Variants in INPP4B observed in about 807,000 individuals in gnomAD.
The protein encoded by INPP4B is inositol polyphosphate 4-phosphatase type II.
A neutral mutation model predicts 122.5 loss-of-function variants in INPP4B; 55 were observed. The ratio of observed to expected loss-of-function variants is 0.45; its 90% CI spans 0.36 to 0.56. The LOEUF (loss-of-function observed/expected upper bound fraction) is 0.56, where lower values mean the gene tolerates loss of function less well. Among genes scored for constraint, INPP4B ranks in the 20% least tolerant of loss-of-function variants. The pLI is 0.00. For missense variants in INPP4B, 1,000 were observed against 1,097.7 expected (o/e 0.91, Z 1.26); for synonymous variants, 403 against 388.7 (o/e 1.04, Z -0.43).
chr4:142,056,825 G>A (rs1219999996), intron 25 of INPP4B, among the ~76,000 whole-genome samples: 1 of 152,070 alleles, frequency 6.6e-6, no homozygotes, highest in South Asian at 2.1e-4. Flanking sequence ...TAGCTTAGAG[G>A]TCTACTGTCC....
intron 5 of INPP4B, among the ~76,000 whole-genome samples, chr4:142,421,379 C>T (rs1258239735): frequency 6.6e-6 from 1 of 152,080 alleles, no homozygotes; most frequent in African/African-American, 2.4e-5. Flanking sequence ...AAAAATCCTC[C>T]CTGTCCAGCT....
chr4:142,185,386 G>GTA lies in INPP4B; in HGVS notation c.1181+7699_1181+7700dup, dbSNP rs557023213. ...GATATATATTTATAAATATATATGT[G>GTA]TATGTGTGTGTGTATATATATATAT... is the stretch of plus-strand genomic sequence containing the variant. On this transcript the variant is annotated intron_variant, in intron 15 of 25. Transcript: ENST00000262992. 5.5e-4 allele frequency among the ~76,000 whole-genome samples: 34 copies of GTA among 62,318 alleles called. No individual in the cohort carries two copies. The South Asian group carries it at 0.014, about 26-fold the overall frequency. The allele number at this position is 62,318 out of a possible 152,430, so 40.9% of individuals were successfully genotyped here.
chr4:142,569,104 C>A (rs1021750144), intron 2 of INPP4B, among the ~76,000 whole-genome samples: 1 of 152,076 alleles, frequency 6.6e-6, no homozygotes, highest in African/African-American at 2.4e-5. Context: ...ATATTTGCTA[C>A]ATTGCACACA....
At chr4:142,779,164 G>A (rs1381395209) in intron 1 of INPP4B, among the ~76,000 whole-genome samples, 3 of 151,780 alleles carry the variant, frequency 2.0e-5, no homozygotes, top group Non-Finnish European at 2.9e-5. Context: ...AATCTCCTTG[G>A]CATACTGAGA....
chr4:142,172,204 G>A (rs745830767), intron 16 of INPP4B, among the ~76,000 whole-genome samples: 7 of 151,766 alleles, frequency 4.6e-5, no homozygotes, highest in South Asian at 2.1e-4. Flanking sequence ...TATATTAGAC[G>A]GAGGGCGCTA....
chr4:142,462,922 A>G (rs1817001864), intron 2 of INPP4B, among the ~76,000 whole-genome samples, 196 bp from the exon 3 acceptor site: 2 of 152,244 alleles, frequency 1.3e-5, no homozygotes, highest in Non-Finnish European at 2.9e-5. Flanking sequence ...CATTCAGCCC[A>G]TAGAGCCCCT....
chr4:142,680,875 T>C (rs761667413), intron 2 of INPP4B, among the ~76,000 whole-genome samples: 1 of 151,870 alleles, frequency 6.6e-6, no homozygotes, highest in Non-Finnish European at 1.5e-5. Context: ...GCTATCATAG[T>C]AGATGGGCTT....
chr4:142,071,305 C>A (rs1326442541), intron 25 of INPP4B, among the ~76,000 whole-genome samples: 1 of 152,132 alleles, frequency 6.6e-6, no homozygotes, highest in Non-Finnish European at 1.5e-5. Context: ...GAAACTGGAT[C>A]CCTTCCTTAA....
chr4:142,223,155 G>C (rs1850096785), intron 12 of INPP4B, among the ~76,000 whole-genome samples: 1 of 151,850 alleles, frequency 6.6e-6, no homozygotes, highest in Admixed American at 6.6e-5. Context: ...GGGGCAGCCA[G>C]GTTTCAAACC....
intron 2 of INPP4B, among the ~76,000 whole-genome samples, chr4:142,465,455 C>G (rs1817592261): frequency 6.6e-6 from 1 of 152,248 alleles, no homozygotes; most frequent in Non-Finnish European, 1.5e-5. Context: ...CAGAAGTTTT[C>G]TTTTAGTAGA....
chr4:142,715,778 T>A (rs1383493910), intron 2 of INPP4B, among the ~76,000 whole-genome samples: 1 of 152,216 alleles, frequency 6.6e-6, no homozygotes, highest in Non-Finnish European at 1.5e-5. Context: ...TTGTTAACCA[T>A]CTGCATTTTA....
At chr4:142,230,434 T>C (rs964127562) in intron 12 of INPP4B, among the ~76,000 whole-genome samples, 1 of 151,728 alleles carries the variant, frequency 6.6e-6, no homozygotes, top group Non-Finnish European at 1.5e-5. Context: ...TCACCTGAGG[T>C]GGGGAGTTCG....
intron 2 of INPP4B, among the ~76,000 whole-genome samples, chr4:142,638,023 G>T (rs1185429904): frequency 2.0e-5 from 3 of 151,938 alleles, no homozygotes; most frequent in Non-Finnish European, 4.4e-5. Flanking sequence ...TAGGTCTTTT[G>T]CCCATTTAAA....
At chr4:142,637,177 A>G (rs1340470028) in intron 2 of INPP4B, among the ~76,000 whole-genome samples, 1 of 152,186 alleles carries the variant, frequency 6.6e-6, no homozygotes, top group African/African-American at 2.4e-5. Context: ...GTTAGAATGG[A>G]TGAACCTGCA....
At chr4:142,142,940 G>C (rs1328976930) in intron 18 of INPP4B, among the ~76,000 whole-genome samples, 3 of 151,944 alleles carry the variant, frequency 2.0e-5, no homozygotes, top group African/African-American at 7.3e-5. Flanking sequence ...TCAACAGATG[G>C]TAGAACAGAC....
At chr4:142,825,894 A>G (rs1240088378) in intron 1 of INPP4B, among the ~76,000 whole-genome samples, 1 of 152,160 alleles carries the variant, frequency 6.6e-6, no homozygotes, top group Admixed American at 6.6e-5. Context: ...TGTAGAGTCT[A>G]AAAGTCCTAT....
At chr4:142,563,246 A>T (rs1730848714) in intron 2 of INPP4B, among the ~76,000 whole-genome samples, 1 of 152,218 alleles carries the variant, frequency 6.6e-6, no homozygotes, top group Admixed American at 6.5e-5. Flanking sequence ...CAACATGTCC[A>T]CTGTCGTACT....
chr4:142,619,160 T>G (rs886323711), intron 2 of INPP4B, among the ~76,000 whole-genome samples: 1 of 151,794 alleles, frequency 6.6e-6, no homozygotes, highest in Non-Finnish European at 1.5e-5. Context: ...GCAGCTGCTG[T>G]AGAAAACAGT....
intron 2 of INPP4B, among the ~76,000 whole-genome samples, chr4:142,479,796 G>A (rs926126216): frequency 6.6e-6 from 1 of 152,026 alleles, no homozygotes; most frequent in Non-Finnish European, 1.5e-5. Flanking sequence ...ATAGATACTG[G>A]GGCCTATTTG....
Sources: gnomAD v4.1 joint callset for allele counts (sites outside exome capture counted in the v4.1 genomes callset) on GRCh38, gnomAD v4.1.1 for gene constraint, MANE v1.5 for transcripts, NCBI Gene and HGNC (gene_info 2026-07-23, HGNC 2026-07-21) for gene names.